The following CDH13 variants were observed in gnomAD, a reference collection of about 807,000 sequenced individuals.
CDH13 encodes the protein cadherin-13.
Under a neutral mutation model 63.8 loss-of-function variants are expected in CDH13, and 24 were observed. The ratio of observed to expected loss-of-function variants is 0.38; its 90% CI spans 0.27 to 0.53. CDH13 has a LOEUF of 0.53. CDH13 is among the 20% of genes least tolerant of loss of function. CDH13 has a pLI of 0.85. For missense variants in CDH13, 1,049 were observed against 903.1 expected (o/e 1.16, Z -2.07); for synonymous variants, 503 against 355.3 (o/e 1.42, Z -4.67).
At chr16:82,673,061 C>G (rs57884886) in intron 1 of CDH13, among the ~76,000 whole-genome samples, 1 of 127,328 alleles carries the variant, frequency 7.9e-6, no homozygotes. Context: ...AGGCTGGTCT[C>G]GAACTCCTGG....
intron 6 of CDH13, among the ~76,000 whole-genome samples, chr16:83,426,379 T>G (rs2071895902): frequency 6.6e-6 from 1 of 152,172 alleles, no homozygotes; most frequent in African/African-American, 2.4e-5. Flanking sequence ...CTCATAAGAC[T>G]AAACTCTAGT....
chr16:83,110,831 C>T lies in CDH13; in HGVS notation c.367-14554C>T, dbSNP rs576927463. ...CTTCTTCACAGTGCATACCCCAAAACCTTGGGACCCTGGAGCATACCCCCA... is the reference window on the plus strand; with the variant it reads ...CTTCTTCACAGTGCATACCCCAAAATCTTGGGACCCTGGAGCATACCCCCA... On this transcript the variant is annotated intron_variant, in intron 3 of 13. Transcript: ENST00000567109. Among the ~76,000 whole-genome samples the T allele has an allele frequency of 1.6e-4, 24 of 152,054 alleles. No individual in the cohort carries two copies. In the East Asian group the frequency reaches 1.9e-3, roughly 12 times the overall value.
At chr16:83,368,496 T>A (rs1443705099) in intron 6 of CDH13, among the ~76,000 whole-genome samples, 1 of 152,202 alleles carries the variant, frequency 6.6e-6, no homozygotes, top group Non-Finnish European at 1.5e-5. Flanking sequence ...CCTAAACATT[T>A]AAAAATTAAC....
chr16:83,774,981 A>C (rs1368149821), intron 11 of CDH13, among the ~76,000 whole-genome samples: 2 of 149,710 alleles, frequency 1.3e-5, no homozygotes, highest in Admixed American at 7.4e-5. Flanking sequence ...ACAGCTCATA[A>C]GAAGGAAGCT....
At chr16:83,024,177 A>C (rs1288871213) in intron 2 of CDH13, among the ~76,000 whole-genome samples, 3 of 152,206 alleles carry the variant, frequency 2.0e-5, no homozygotes, top group Non-Finnish European at 4.4e-5. Context: ...CAGAGGGTAC[A>C]ACAAACGTCA....
chr16:83,611,214 AT>A (rs559113062), intron 8 of CDH13, among the ~76,000 whole-genome samples: 51 of 149,282 alleles, frequency 3.4e-4, no homozygotes, highest in South Asian at 1.3e-3. Flanking sequence ...ACATGTTGCA[AT>A]TTTTTTTTTA....
intron 5 of CDH13, among the ~76,000 whole-genome samples, chr16:83,268,038 A>G (rs764034144): frequency 2.6e-5 from 4 of 152,178 alleles, no homozygotes; most frequent in Non-Finnish European, 5.9e-5. Flanking sequence ...ACATGACTGT[A>G]TGGGAAATGG....
At chr16:82,759,280 C>T (rs1003117744) in intron 1 of CDH13, among the ~76,000 whole-genome samples, 4 of 152,204 alleles carry the variant, frequency 2.6e-5, no homozygotes, top group South Asian at 2.1e-4. Context: ...CACCTCCTCA[C>T]TTGTACTTCC....
intron 10 of CDH13, among the ~76,000 whole-genome samples, chr16:83,736,595 G>A (rs1476629677): frequency 1.3e-5 from 2 of 151,360 alleles, no homozygotes; most frequent in Non-Finnish European, 2.9e-5. Context: ...TTGTGAAGAC[G>A]TTGTTTCCTT....
At chr16:83,285,615 G>A (rs532802224) in intron 5 of CDH13, among the ~76,000 whole-genome samples, 2 of 152,246 alleles carry the variant, frequency 1.3e-5, no homozygotes, top group East Asian at 1.9e-4. Context: ...GTAATCTAGA[G>A]ATGATTTCAA....
chr16:83,246,355 C>T (rs62040376), intron 5 of CDH13, among the ~76,000 whole-genome samples: 1 of 152,190 alleles, frequency 6.6e-6, no homozygotes, highest in South Asian at 2.1e-4. Flanking sequence ...TTGTTTTCTT[C>T]CCTGGCTGCT....
chr16:83,104,404 G>A (rs568276448), intron 3 of CDH13, among the ~76,000 whole-genome samples: 85 of 152,200 alleles, frequency 5.6e-4, no homozygotes, highest in African/African-American at 2.0e-3. Flanking sequence ...TCTGTAATGC[G>A]ACAAAAAACA....
chr16:83,176,983 G>A (rs151089593), intron 4 of CDH13, among the ~76,000 whole-genome samples: 1 of 152,152 alleles, frequency 6.6e-6, no homozygotes, highest in Non-Finnish European at 1.5e-5. Context: ...CGGATGCCAT[G>A]ATGAGGCACT....
chr16:83,269,690 C>T (rs1310598304), intron 5 of CDH13, among the ~76,000 whole-genome samples: 1 of 152,168 alleles, frequency 6.6e-6, no homozygotes, highest in Non-Finnish European at 1.5e-5. Flanking sequence ...CTGCCCAGTA[C>T]CCTGAATGAG....
intron 1 of CDH13, among the ~76,000 whole-genome samples, chr16:82,845,818 C>T (rs1303190897): frequency 6.6e-6 from 1 of 152,214 alleles, no homozygotes; most frequent in African/African-American, 2.4e-5. Flanking sequence ...CAGGCACATC[C>T]TCTGGTTTCT....
intron 1 of CDH13, among the ~76,000 whole-genome samples, chr16:82,855,977 T>G (rs6565073): frequency 6.6e-6 from 1 of 151,904 alleles, no homozygotes; most frequent in African/African-American, 2.4e-5. Flanking sequence ...TGTGCAGTGG[T>G]TAGGATTTTG....
intron 3 of CDH13, among the ~76,000 whole-genome samples, chr16:83,071,559 G>A (rs11864250): frequency 0.016 from 2,454 of 152,244 alleles, 49 homozygotes; most frequent in African/African-American, 0.056. Flanking sequence ...AGTGAGGAAG[G>A]GAGGCTTGTT....
In CDH13 at chr16:83,670,371, T is replaced by C. The variant is rs1017449218; in HGVS notation, c.1102-419T>C. On this transcript the variant is annotated intron_variant, in intron 8 of 13. Coordinates refer to ENST00000567109, the MANE Select transcript of CDH13 (RefSeq NM_001257.5). ...ATTCAATGATAGTTCAGGACAGGTG[T>C]TCTTGGCCACCAGGTTGCTCCCCTC... Among the ~76,000 whole-genome samples, 4 of 152,100 alleles carry C rather than the reference T, an allele frequency of 2.6e-5. No homozygotes were observed. In the East Asian group the frequency reaches 7.7e-4, roughly 29 times the overall value.
intron 1 of CDH13, among the ~76,000 whole-genome samples, chr16:82,789,333 T>C (rs1321467607): frequency 6.6e-6 from 1 of 152,200 alleles, no homozygotes; most frequent in African/African-American, 2.4e-5. Flanking sequence ...TGTGAACTCA[T>C]GAAGGGAGGG....
Sources: allele counts gnomAD v4.1 joint callset (sites outside exome capture counted in the v4.1 genomes callset), GRCh38; gene constraint gnomAD v4.1.1; transcripts MANE v1.5; gene names NCBI Gene and HGNC (gene_info 2026-07-23, HGNC 2026-07-21).